ROCK2: variants seen among roughly 807,000 people sequenced by gnomAD.
ROCK2 encodes the protein Rho associated coiled-coil containing protein kinase 2.
A neutral mutation model predicts 195.1 loss-of-function variants in ROCK2; 61 were observed. That is an observed-to-expected ratio of 0.31 (90% confidence interval 0.25 to 0.39). The LOEUF (loss-of-function observed/expected upper bound fraction) is 0.39, where lower values mean the gene tolerates loss of function less well. ROCK2 is among the 10% of genes least tolerant of loss of function. The pLI is 1.00. For missense variants in ROCK2, 1,109 were observed against 1,637.4 expected (o/e 0.68, Z 5.57); for synonymous variants, 504 against 545.5 (o/e 0.92, Z 1.06).
intron 20 of ROCK2, 27 bp downstream of exon 20, chr2:11,207,699 T>A: frequency 6.4e-7 from 1 of 1,563,518 alleles, no homozygotes; most frequent in Non-Finnish European, 8.7e-7. Flanking sequence ...ATTATGCATA[T>A]TAAAACATCT....
In ROCK2 at chr2:11,207,147, T is replaced by C. The variant is rs564964562; in HGVS notation, c.2549+579A>G. Among the ~76,000 whole-genome samples, 15 of 152,320 alleles carry C rather than the reference T, an allele frequency of 9.8e-5. No individual in the cohort carries two copies. In the East Asian group the frequency reaches 2.9e-3, roughly 29 times the overall value. Reference sequence around the variant, plus strand: ...GTCCAGGATGGCATGTAGTGGCTATTCGCAGGCATGATCACAGTGCAAAGC... The same window carrying C: ...GTCCAGGATGGCATGTAGTGGCTATCCGCAGGCATGATCACAGTGCAAAGC... On this transcript the variant is annotated intron_variant, in intron 20 of 32. Transcript: ENST00000315872.
intron 1 of ROCK2, among the ~76,000 whole-genome samples, chr2:11,319,398 CTCTG>C (rs536515618): frequency 8.8e-4 from 134 of 152,174 alleles, no homozygotes; most frequent in African/African-American, 3.0e-3. Flanking sequence ...TGATTTGGCT[CTCTG>C]TCTGTTACTG....
intron 18 of ROCK2, among the ~76,000 whole-genome samples, chr2:11,209,438 G>C (rs1664173667): frequency 6.6e-6 from 1 of 152,206 alleles, no homozygotes; most frequent in South Asian, 2.1e-4. Context: ...AATTTTTAAT[G>C]ACCAAGGAAA....
intron 4 of ROCK2, among the ~76,000 whole-genome samples, chr2:11,238,207 AGAGTGTGTGTGTGTGT>A (rs980516969): frequency 5.0e-4 from 18 of 36,070 alleles, no homozygotes; most frequent in African/African-American, 1.6e-3. Flanking sequence ...AAATTGAGAA[AGAGTGTGTGTGTGTGT>A]GTGTGTGTGT....
intron 4 of ROCK2, among the ~76,000 whole-genome samples, chr2:11,237,456 T>C (rs1665252022): frequency 6.6e-6 from 1 of 152,194 alleles, no homozygotes; most frequent in Non-Finnish European, 1.5e-5. Context: ...TTTCTAGAAA[T>C]GAGTAAAGTT....
chr2:11,296,011 A>AGAGAGAGAGAGAGAGG (rs1667520103), intron 1 of ROCK2, among the ~76,000 whole-genome samples: 2 of 85,402 alleles, frequency 2.3e-5, no homozygotes, highest in African/African-American at 9.2e-5. Context: ...GAGAGGAGAG[A>AGAGAGAGAGAGAGAGG]GAGAGAGAGA....
intron 4 of ROCK2, among the ~76,000 whole-genome samples, chr2:11,247,917 G>A (rs1021984517): frequency 5.3e-5 from 8 of 152,140 alleles, no homozygotes; most frequent in Non-Finnish European, 1.2e-4. Flanking sequence ...AGCTACTCGG[G>A]AGGCTGAGGC....
intron 25 of ROCK2, 83 bp downstream of exon 25, chr2:11,198,408 C>T: frequency 7.2e-6 from 7 of 971,552 alleles, no homozygotes; most frequent in Non-Finnish European, 1.1e-5. Flanking sequence ...CTACTGCTAC[C>T]AATTTGTAAT....
chr2:11,215,702 C>CA (rs1168189812), intron 13 of ROCK2, 57 bp from the exon 14 acceptor site: 2 of 1,416,494 alleles, frequency 1.4e-6, no homozygotes, highest in Middle Eastern at 1.9e-4. Flanking sequence ...GAAATCAAAA[C>CA]AAAAAATACT....
chr2:11,344,514 G>C lies in ROCK2; in HGVS notation c.-378C>G. ...ACCGCCCCGCCCTCTGGGGCCCCGG[G>C]AGGCTGAAGCCCAGGCCTGGGCCAC... On this transcript the variant is annotated 5_prime_UTR_variant, in exon 1 of 33. Coordinates refer to ENST00000315872, the MANE Select transcript of ROCK2 (RefSeq NM_004850.5). This position sits in a 1 kb window ranked among gnomAD's most constrained non-coding sequence, Gnocchi z 5.4. 1.0e-6 allele frequency: 1 copy of C among 986,804 alleles called. No individual in the cohort carries two copies. Among genetic ancestry groups the C allele is most frequent in the African/African-American group, 1.8e-5 (1 of 57,056 alleles). 61.1% of individuals were successfully genotyped at this position (986,804 alleles called of 1,614,324 possible).
chr2:11,334,836 C>G (rs1349181094), intron 1 of ROCK2, among the ~76,000 whole-genome samples: 1 of 150,580 alleles, frequency 6.6e-6, no homozygotes, highest in East Asian at 1.9e-4. Flanking sequence ...TCTATAATCC[C>G]TTGAAAATAA....
chr2:11,285,187 G>A (rs201268593), intron 3 of ROCK2, among the ~76,000 whole-genome samples: 4 of 151,446 alleles, frequency 2.6e-5, no homozygotes, highest in East Asian at 1.9e-4. Flanking sequence ...GCTTGAACCC[G>A]GGGGGTGGAG....
At chr2:11,245,476 A>G (rs57339546) in intron 4 of ROCK2, among the ~76,000 whole-genome samples, 3,571 of 152,258 alleles carry the variant, frequency 0.023, 64 homozygotes, top group East Asian at 0.053. Context: ...CATCTATTGT[A>G]CAAAGATAAT....
intron 3 of ROCK2, among the ~76,000 whole-genome samples, chr2:11,272,206 T>C (rs1370495928): frequency 6.6e-6 from 1 of 152,042 alleles, no homozygotes; most frequent in East Asian, 1.9e-4. Flanking sequence ...TTGTTACCAG[T>C]AGACCTGACC....
chr2:11,195,553 C>T (rs1186700675), intron 27 of ROCK2, among the ~76,000 whole-genome samples: 5 of 152,132 alleles, frequency 3.3e-5, no homozygotes, highest in East Asian at 1.9e-4. Context: ...CTTGCTCTGT[C>T]GCCCAGGCTG....
Position 11,344,166 on chromosome 2 carries a change from C to T in ROCK2, c.-30G>A, listed in dbSNP as rs1669205301. Reference sequence around the variant, plus strand: ...CCACCGCTGGACCCGCACTCAGGCTCCTCGCGCTCAGGTCCCGCAGCCTCG... The same window carrying T: ...CCACCGCTGGACCCGCACTCAGGCTTCTCGCGCTCAGGTCCCGCAGCCTCG... On this transcript the variant is annotated 5_prime_UTR_variant, in exon 1 of 33. Transcript: ENST00000315872. This position sits in a 1 kb window ranked among gnomAD's most constrained non-coding sequence, Gnocchi z 5.4. 2.1e-6 allele frequency: 3 copies of T among 1,397,020 alleles called. No individual in the cohort carries two copies. The East Asian group carries it at 9.2e-5, about 43-fold the overall frequency. 86.5% of individuals were successfully genotyped at this position (1,397,020 alleles called of 1,614,324 possible).
At chr2:11,228,424 T>C (rs1664886627) in intron 5 of ROCK2, among the ~76,000 whole-genome samples, 2 of 152,216 alleles carry the variant, frequency 1.3e-5, no homozygotes, top group African/African-American at 4.8e-5. Flanking sequence ...TGGCTTTATT[T>C]TCCCACATAT....
intron 2 of ROCK2, 33 bp from the exon 3 acceptor site, chr2:11,286,672 CA>C: frequency 9.1e-7 from 1 of 1,094,034 alleles, no homozygotes; most frequent in Non-Finnish European, 1.4e-6. Flanking sequence ...CTTATAATAT[CA>C]ATCATATTTA....
intron 5 of ROCK2, chr2:11,234,609 C>A (rs893555645): frequency 2.0e-5 from 3 of 151,872 alleles, no homozygotes; most frequent in African/African-American, 7.2e-5. Flanking sequence ...TCAAAAAGAC[C>A]AAAAATATAT....
Sources: allele counts gnomAD v4.1 joint callset (sites outside exome capture counted in the v4.1 genomes callset), GRCh38; gene constraint gnomAD v4.1.1; non-coding constraint Gnocchi (gnomAD v3.1); transcripts MANE v1.5; gene names NCBI Gene and HGNC (gene_info 2026-07-23, HGNC 2026-07-21).